MACROD2: variants seen among roughly 807,000 people sequenced by gnomAD.
The protein encoded by MACROD2 is mono-ADP ribosylhydrolase 2.
MACROD2 carries 36 observed loss-of-function variants against 70.4 expected under a neutral mutation model. That is an observed-to-expected ratio of 0.51 (90% CI 0.39 to 0.68). The LOEUF (loss-of-function observed/expected upper bound fraction) is 0.68. Ranked by LOEUF, MACROD2 falls within the 30% of genes least tolerant of loss-of-function variation. The pLI is 0.00. For synonymous variants in MACROD2, 172 were observed against 178.8 expected (o/e 0.96, Z 0.30); for missense variants, 496 against 538.4 (o/e 0.92, Z 0.78).
At position 15,952,720 on chromosome 20, in the gene MACROD2, G is replaced by A. The variant is rs114607670; in HGVS notation, c.908-14833G>A. On this transcript the variant is annotated intron_variant, in intron 12 of 17. Coordinates refer to ENST00000684519, the MANE Select transcript of MACROD2 (RefSeq NM_001351661.2). ...AGCCAACAGAGCACACCAGACTTTAGGGGAACACATTAGTTGAAGAGCTGC... is the reference window on the plus strand; with the variant it reads ...AGCCAACAGAGCACACCAGACTTTAAGGGAACACATTAGTTGAAGAGCTGC... 4.0e-3 allele frequency among the ~76,000 whole-genome samples: 606 copies of A among 152,242 alleles called. 4 individuals carry two copies. The highest frequency in any genetic ancestry group is 0.014 in the African/African-American group (579 of 41,572).
intron 5 of MACROD2, among the ~76,000 whole-genome samples, chr20:14,811,848 T>G (rs886635787): frequency 6.6e-6 from 1 of 152,014 alleles, no homozygotes; most frequent in African/African-American, 2.4e-5. Flanking sequence ...CACTGGTCAT[T>G]AGAGAAATGC....
At chr20:14,942,615 A>G (rs960442128) in intron 5 of MACROD2, among the ~76,000 whole-genome samples, 2 of 152,216 alleles carry the variant, frequency 1.3e-5, no homozygotes, top group African/African-American at 4.8e-5. Context: ...TGTGTGGGTC[A>G]GCATTGGTGA....
At chr20:14,346,431 GC>G (rs2083065108) in intron 3 of MACROD2, among the ~76,000 whole-genome samples, 2 of 151,956 alleles carry the variant, frequency 1.3e-5, no homozygotes, top group Non-Finnish European at 1.5e-5. Context: ...TTAAGGAAGA[GC>G]CCCTGAACAA....
At chr20:15,677,966 G>A (rs2050091135) in intron 8 of MACROD2, among the ~76,000 whole-genome samples, 1 of 152,040 alleles carries the variant, frequency 6.6e-6, no homozygotes, top group Non-Finnish European at 1.5e-5. Flanking sequence ...TCGGGAGGCT[G>A]AAGCAGGAGA....
rs572806834 is a variant in MACROD2 at position 14,308,699 on chromosome 20, C to T, written c.272-184780C>T. On this transcript the variant is annotated intron_variant, in intron 3 of 17. Transcript: ENST00000684519. ...CATGGAAGGCCACCTAGATCTCTGC[C>T]ACATATTACAGTGTCTGTTCACAAA... Among the ~76,000 whole-genome samples, 16 of 152,196 alleles carry T rather than the reference C, an allele frequency of 1.1e-4. No individual in the cohort carries two copies. In the South Asian group the frequency reaches 3.3e-3, roughly 32 times the overall value.
chr20:15,013,636 C>A (rs2075099750), intron 5 of MACROD2, among the ~76,000 whole-genome samples: 1 of 152,156 alleles, frequency 6.6e-6, no homozygotes, highest in Non-Finnish European at 1.5e-5. Context: ...GTCAACCCAT[C>A]TTCAGCGTTC....
intron 3 of MACROD2, among the ~76,000 whole-genome samples, chr20:14,269,731 C>T (rs2082174602): frequency 6.6e-6 from 1 of 151,770 alleles, no homozygotes; most frequent in Non-Finnish European, 1.5e-5. Flanking sequence ...TTTCTGTTAA[C>T]ACTGAAGCCA....
chr20:15,898,302 C>T (rs1231483506), intron 10 of MACROD2, among the ~76,000 whole-genome samples: 1 of 152,156 alleles, frequency 6.6e-6, no homozygotes, highest in Non-Finnish European at 1.5e-5. Flanking sequence ...ATAATCCCAG[C>T]ACTTTGGGAG....
chr20:14,103,698 AGTACATTTTAAAATTT>A (rs1319050155), intron 3 of MACROD2, among the ~76,000 whole-genome samples: 2 of 152,170 alleles, frequency 1.3e-5, no homozygotes, highest in Non-Finnish European at 1.5e-5. Context: ...CTGGTGCAAT[AGTACATTTTAAAATTT>A]GAGGACTGCT....
chr20:14,703,147 G>A (rs2071226750), intron 5 of MACROD2, among the ~76,000 whole-genome samples: 1 of 151,892 alleles, frequency 6.6e-6, no homozygotes, highest in South Asian at 2.1e-4. Flanking sequence ...CCTCTAAATG[G>A]GTGATTAGTT....
intron 10 of MACROD2, among the ~76,000 whole-genome samples, chr20:15,926,215 T>A (rs2065486876): frequency 6.6e-6 from 1 of 152,184 alleles, no homozygotes; most frequent in Non-Finnish European, 1.5e-5. Flanking sequence ...CTTGAAAAAT[T>A]CTGTTCTAAA....
At chr20:15,175,781 C>A (rs373553518) in intron 5 of MACROD2, among the ~76,000 whole-genome samples, 56 of 152,350 alleles carry the variant, frequency 3.7e-4, no homozygotes, top group African/African-American at 1.3e-3. Flanking sequence ...ACACTGGCTG[C>A]AATGGCTAGG....
chr20:15,999,167 G>A (rs2066675056), intron 15 of MACROD2, among the ~76,000 whole-genome samples: 1 of 151,996 alleles, frequency 6.6e-6, no homozygotes, highest in South Asian at 2.1e-4. Context: ...GCTGCATCTT[G>A]TAAGTTTTGT....
intron 3 of MACROD2, among the ~76,000 whole-genome samples, chr20:14,088,953 G>C (rs1257940318): frequency 6.6e-6 from 1 of 152,068 alleles, no homozygotes; most frequent in African/African-American, 2.4e-5. Context: ...TGAAATAAAT[G>C]GTGCAAAACA....
chr20:14,293,951 G>C (rs1213779505), intron 3 of MACROD2, among the ~76,000 whole-genome samples: 3 of 151,784 alleles, frequency 2.0e-5, no homozygotes, highest in Admixed American at 2.0e-4. Context: ...CAAAAATGGT[G>C]AATGAATATT....
intron 7 of MACROD2, among the ~76,000 whole-genome samples, chr20:15,447,353 C>T (rs368207923): frequency 1.6e-4 from 25 of 152,290 alleles, no homozygotes; most frequent in African/African-American, 4.8e-4. Context: ...CCTTTGCTTT[C>T]CTGCTGTTTC....
intron 8 of MACROD2, among the ~76,000 whole-genome samples, chr20:15,624,429 A>G (rs1416984539): frequency 2.0e-5 from 3 of 152,198 alleles, no homozygotes; most frequent in African/African-American, 7.2e-5. Flanking sequence ...AATATTAACC[A>G]TCACAGGAGA....
At chr20:14,695,678 C>T (rs1600551380) in intron 5 of MACROD2, among the ~76,000 whole-genome samples, 2 of 152,286 alleles carry the variant, frequency 1.3e-5, no homozygotes, top group South Asian at 4.1e-4. Context: ...AATGTGAGTG[C>T]GCTTGCAAGC....
intron 5 of MACROD2, among the ~76,000 whole-genome samples, chr20:14,857,112 G>C (rs1235634777): frequency 6.6e-6 from 1 of 152,068 alleles, no homozygotes; most frequent in Non-Finnish European, 1.5e-5. Flanking sequence ...TCATCCAGTG[G>C]AATATCTCCT....
Sources: gnomAD v4.1 joint callset for allele counts (sites outside exome capture counted in the v4.1 genomes callset) on GRCh38, gnomAD v4.1.1 for gene constraint, MANE v1.5 for transcripts, NCBI Gene and HGNC (gene_info 2026-07-23, HGNC 2026-07-21) for gene names.